KCNMA1: variants seen among roughly 807,000 people sequenced by gnomAD.
KCNMA1 encodes the protein Calcium-activated potassium channel subunit alpha-1.
KCNMA1 carries 29 observed loss-of-function variants against 140.0 expected under a neutral mutation model. The observed-to-expected ratio is 0.21, with a 90% CI of 0.15 to 0.28. KCNMA1 has a LOEUF of 0.28. Among genes scored for constraint, KCNMA1 ranks in the 10% least tolerant of loss-of-function variants. The pLI, the probability that KCNMA1 is intolerant of heterozygous loss-of-function variation, is 1.00. For missense variants in KCNMA1, 880 were observed against 1,602.2 expected (o/e 0.55, Z 7.70); for synonymous variants, 612 against 611.9 (o/e 1.00, Z 0.00).
chr10:76,948,478 T>A (rs1055218151), intron 22 of KCNMA1, among the ~76,000 whole-genome samples: 1 of 152,216 alleles, frequency 6.6e-6, no homozygotes, highest in African/African-American at 2.4e-5. Context: ...AAGTAGTTAA[T>A]TACATGACTC....
intron 3 of KCNMA1, among the ~76,000 whole-genome samples, chr10:77,233,288 T>C (rs1044287958): frequency 6.6e-6 from 1 of 152,200 alleles, no homozygotes; most frequent in African/African-American, 2.4e-5. Context: ...TCTAAAGTAA[T>C]AGCCTAATGC....
At chr10:77,087,230 C>G (rs548237326) in intron 10 of KCNMA1, among the ~76,000 whole-genome samples, 1 of 152,308 alleles carries the variant, frequency 6.6e-6, no homozygotes, top group African/African-American at 2.4e-5. Context: ...ACACCACCAG[C>G]TTTCCTGGGT....
At chr10:77,595,687 A>T (rs1473630715) in intron 1 of KCNMA1, among the ~76,000 whole-genome samples, 5 of 151,968 alleles carry the variant, frequency 3.3e-5, no homozygotes, top group African/African-American at 1.2e-4. Flanking sequence ...GTTTTTTGAG[A>T]TGGACTCTCA....
intron 14 of KCNMA1, among the ~76,000 whole-genome samples, chr10:77,040,853 T>G (rs1034975420): frequency 1.3e-5 from 2 of 152,208 alleles, no homozygotes; most frequent in African/African-American, 4.8e-5. Flanking sequence ...AAGTAAAATG[T>G]AGTTTCAGAG....
chr10:77,506,232 C>T (rs547226086), intron 1 of KCNMA1, among the ~76,000 whole-genome samples: 2 of 152,246 alleles, frequency 1.3e-5, no homozygotes, highest in South Asian at 2.1e-4. Context: ...CAGTGAGACT[C>T]CTCAGATGAC....
intron 5 of KCNMA1, among the ~76,000 whole-genome samples, chr10:77,155,323 G>C (rs1029769634): frequency 1.3e-5 from 2 of 152,204 alleles, no homozygotes; most frequent in African/African-American, 4.8e-5. Flanking sequence ...AACATTGACA[G>C]TGAGTCAGAT....
intron 13 of KCNMA1, among the ~76,000 whole-genome samples, chr10:77,076,223 G>A (rs2096392319): frequency 6.6e-6 from 1 of 152,116 alleles, no homozygotes; most frequent in Admixed American, 6.6e-5. Flanking sequence ...TGGGCTCATG[G>A]GACTTGGCTT....
At chr10:77,428,185 G>C (rs1279030549) in intron 1 of KCNMA1, among the ~76,000 whole-genome samples, 2 of 152,150 alleles carry the variant, frequency 1.3e-5, no homozygotes, top group Non-Finnish European at 2.9e-5. Flanking sequence ...CCTCTCTACA[G>C]GTGGGAAGAC....
chr10:76,960,447 G>A (rs1429062683), intron 20 of KCNMA1, among the ~76,000 whole-genome samples: 2 of 151,698 alleles, frequency 1.3e-5, no homozygotes, highest in African/African-American at 2.4e-5. Flanking sequence ...GCTGAGGCAC[G>A]AGAATTACTT....
intron 1 of KCNMA1, among the ~76,000 whole-genome samples, chr10:77,525,432 T>C (rs1033362102): frequency 2.0e-5 from 3 of 152,128 alleles, no homozygotes; most frequent in Admixed American, 6.5e-5. Flanking sequence ...GGTTGATCAA[T>C]ACATTTATTG....
chr10:77,467,766 C>A (rs2098061550), intron 1 of KCNMA1, among the ~76,000 whole-genome samples: 1 of 152,238 alleles, frequency 6.6e-6, no homozygotes, highest in Non-Finnish European at 1.5e-5. Context: ...TCGCCGAGTT[C>A]TACATTCACA....
Position 77,108,568 on chromosome 10 carries a change from A to G in KCNMA1, c.1136T>C (p.Met379Thr). The part of the protein sequence containing the change: ...MVFFILGGLA[M>T]FASYVPEIIE... ...GATTTCAGGGACGTAGCTGGCAAAC[A>G]TGGCCTGAGAAGATAGGAGACAGAA... The change falls in exon 9 of 28, where the codon ATG becomes ACG. Residue 379 changes from methionine (M) to threonine (T), a missense_variant. Physicochemically the swap from Met to Thr is moderately conservative, Grantham distance 81. Around this residue, in one of 13 missense-constraint regions of KCNMA1, gnomAD observed 198 missense variants for 580.1 expected, o/e 0.34. Coordinates refer to ENST00000286628, the MANE Select transcript of KCNMA1 (RefSeq NM_001161352.2). This position sits in a 1 kb window ranked among gnomAD's most constrained non-coding sequence, Gnocchi z 4.6. The G allele has an allele frequency of 6.2e-7, 1 of 1,612,676 alleles. No individual in the cohort carries two copies. Among genetic ancestry groups the G allele is most frequent in the Non-Finnish European group, 8.5e-7 (1 of 1,179,030 alleles).
At chr10:77,295,289 G>A (rs2074570526) in intron 2 of KCNMA1, among the ~76,000 whole-genome samples, 1 of 151,972 alleles carries the variant, frequency 6.6e-6, no homozygotes, top group Non-Finnish European at 1.5e-5. Context: ...AGAGGTTGCA[G>A]TGAGCCGAGA....
At chr10:77,529,938 C>G (rs891531632) in intron 1 of KCNMA1, among the ~76,000 whole-genome samples, 1 of 152,212 alleles carries the variant, frequency 6.6e-6, no homozygotes, top group African/African-American at 2.4e-5. Flanking sequence ...TCATTCAAAC[C>G]TGCAGAGGTA....
intron 1 of KCNMA1, among the ~76,000 whole-genome samples, chr10:77,608,549 A>G (rs1190405626): frequency 6.6e-6 from 1 of 152,040 alleles, no homozygotes; most frequent in Non-Finnish European, 1.5e-5. Flanking sequence ...ACACACACGC[A>G]TTATAGTCCA....
chr10:77,315,206 T>G (rs1454201826), intron 2 of KCNMA1, among the ~76,000 whole-genome samples: 3 of 152,218 alleles, frequency 2.0e-5, no homozygotes, highest in Non-Finnish European at 4.4e-5. Flanking sequence ...TATTTAGCCA[T>G]GTGCCTACGT....
intron 2 of KCNMA1, among the ~76,000 whole-genome samples, chr10:77,282,600 A>T (rs971171126): frequency 6.6e-6 from 1 of 152,154 alleles, no homozygotes; most frequent in Non-Finnish European, 1.5e-5. Context: ...ACATCAAGGG[A>T]AACAGAGGCA....
intron 1 of KCNMA1, among the ~76,000 whole-genome samples, chr10:77,543,069 T>TTCTCTC (rs2060573858): frequency 8.4e-6 from 1 of 118,842 alleles, no homozygotes. Flanking sequence ...CTCTCTCTCT[T>TTCTCTC]TCTCTCACAG....
Position 77,398,080 on chromosome 10 carries a change from A to AT in KCNMA1, c.540+5781dup, listed in dbSNP as rs1157821316. ...TGTGTATGTGTGTGTGTGTGTGTGT[A>AT]TTTTTTTTTTCTTTATTTAATCATC... On this transcript the variant is annotated intron_variant, in intron 2 of 27. Transcript: ENST00000286628. Among the ~76,000 whole-genome samples, 646 of 101,004 alleles carry AT rather than the reference A, an allele frequency of 6.4e-3. 4 individuals are homozygous for AT. Among genetic ancestry groups the AT allele is most frequent in the African/African-American group, 0.023 (600 of 26,306 alleles). The allele number at this position is 101,004 out of a possible 152,430, so 66.3% of individuals were successfully genotyped here. A position where few individuals can be genotyped will look rare whatever the true frequency, so the allele number is the denominator to read the frequency against.
Sources: allele counts gnomAD v4.1 joint callset (sites outside exome capture counted in the v4.1 genomes callset), GRCh38; gene constraint gnomAD v4.1.1; regional missense constraint gnomAD v4.1.1; non-coding constraint Gnocchi (gnomAD v3.1); transcripts MANE v1.5; gene names NCBI Gene and HGNC (gene_info 2026-07-23, HGNC 2026-07-21).